The following ADAT1 variants were observed in gnomAD, a reference collection of about 807,000 sequenced individuals.
ADAT1 encodes the protein tRNA-specific adenosine deaminase 1.
A neutral mutation model predicts 58.6 loss-of-function variants in ADAT1; 58 were observed. The ratio of observed to expected loss-of-function variants is 0.99; its 90% CI spans 0.80 to 1.23. The LOEUF (loss-of-function observed/expected upper bound fraction) is 1.23. Among genes scored for constraint, ADAT1 ranks in the 50% most tolerant of loss-of-function variants. The probability of loss-of-function intolerance (pLI) is 0.00; values close to 1 mark genes in which losing one functional copy is unlikely to be tolerated. For synonymous variants in ADAT1, 254 were observed against 220.8 expected (o/e 1.15, Z -1.33); for missense variants, 741 against 608.6 (o/e 1.22, Z -2.29).
intron 2 of ADAT1, 135 bp from the exon 3 acceptor site, chr16:75,620,469 G>A (rs1428236808): frequency 7.9e-6 from 11 of 1,396,982 alleles, no homozygotes; most frequent in African/African-American, 4.2e-5. Context: ...CCAGCATGGC[G>A]GTCTCCCGCC....
At position 75,604,432 on chromosome 16, in the gene ADAT1, CA is replaced by C. The variant is rs869079388; in HGVS notation, c.1290-1262del. Among the ~76,000 whole-genome samples, 40 of 7,924 alleles carry C rather than the reference CA, an allele frequency of 5.0e-3. No individual in the cohort carries two copies. The East Asian group carries it at 0.068, about 14-fold the overall frequency. The allele number at this position is 7,924 out of a possible 152,430, so 5.2% of individuals were successfully genotyped here. Reference sequence around the variant, plus strand: ...TGGGTGACAGAGTGAGATTCTGTCTCAAAAAAAAAAAAAAAAAAAAAAAAAT... The same window carrying C: ...TGGGTGACAGAGTGAGATTCTGTCTCAAAAAAAAAAAAAAAAAAAAAAAAT... On this transcript the variant is annotated intron_variant, in intron 8 of 9. Coordinates refer to ENST00000564657, the MANE Select transcript of ADAT1 (RefSeq NM_001324445.2).
At chr16:75,618,887 G>C (rs546527281) in intron 3 of ADAT1, among the ~76,000 whole-genome samples, 1 of 152,264 alleles carries the variant, frequency 6.6e-6, no homozygotes, top group Admixed American at 6.5e-5. Context: ...ATACACTGTA[G>C]ACTGTTTATT....
chr16:75,605,891 C>A (rs549766976), intron 8 of ADAT1, among the ~76,000 whole-genome samples: 6 of 140,020 alleles, frequency 4.3e-5, no homozygotes, highest in African/African-American at 1.6e-4. Flanking sequence ...GAGCCAAGAT[C>A]GTGCTACTGT....
At chr16:75,619,579 A>G in intron 3 of ADAT1, 1 of 454,598 alleles carries the variant, frequency 2.2e-6, no homozygotes, top group Non-Finnish European at 4.4e-6. Context: ...TCTCTAAGGA[A>G]TTTTCATATT....
intron 9 of ADAT1, among the ~76,000 whole-genome samples, chr16:75,601,615 G>A (rs1038627563): frequency 3.3e-5 from 5 of 152,088 alleles, no homozygotes; most frequent in Non-Finnish European, 1.5e-5. Context: ...AAAATTAGCC[G>A]GGCGTGGTGG....
At chr16:75,609,063 C>T in intron 6 of ADAT1, 75 bp from the exon 7 acceptor site, 2 of 1,550,098 alleles carry the variant, frequency 1.3e-6, no homozygotes, top group South Asian at 1.1e-5. Context: ...TGGCTCACAT[C>T]ATCACCCCTG....
chr16:75,598,293 CT>C lies in ADAT1; in HGVS notation c.*1922del. ...GCTTCACCATGTTGGCCAGGATGGTCTTGATCTCCTGACGTCGTGATCTGCC... is the reference window on the plus strand; with the variant it reads ...GCTTCACCATGTTGGCCAGGATGGTCTGATCTCCTGACGTCGTGATCTGCC... On this transcript the variant is annotated 3_prime_UTR_variant, in exon 10 of 10. Transcript: ENST00000564657. 1 of 322,860 alleles carries C rather than the reference CT, an allele frequency of 3.1e-6. No individual in the cohort carries two copies. Among genetic ancestry groups the C allele is most frequent in the South Asian group, 2.2e-5 (1 of 44,772 alleles). The allele number at this position is 322,860 out of a possible 1,614,324, so 20.0% of individuals were successfully genotyped here.
rs1433844076 is a variant in ADAT1 at position 75,599,213 on chromosome 16, C to G, written c.*1003G>C. ...TCTCCTGCCTCAGCCTCCCGAGTAG[C>G]TAGGATTACAGGTGTGCGCCACCAT... On this transcript the variant is annotated 3_prime_UTR_variant, in exon 10 of 10. Transcript: ENST00000564657. 1 of 857,284 alleles carries G rather than the reference C, an allele frequency of 1.2e-6. No individual in the cohort carries two copies. Among genetic ancestry groups the G allele is most frequent in the Non-Finnish European group, 1.4e-6 (1 of 714,562 alleles). 53.1% of individuals were successfully genotyped at this position (857,284 alleles called of 1,614,324 possible). A position where few individuals can be genotyped will look rare whatever the true frequency, so the allele number is the denominator to read the frequency against.
chr16:75,608,100 G>T (rs1271291722), intron 8 of ADAT1, 124 bp downstream of exon 8: 3 of 737,288 alleles, frequency 4.1e-6, no homozygotes, highest in Non-Finnish European at 2.3e-6. Context: ...GGAGAGGGAG[G>T]GATAGGTAGT....
intron 5 of ADAT1, among the ~76,000 whole-genome samples, chr16:75,613,169 A>G (rs1405201738): frequency 1.3e-5 from 2 of 152,208 alleles, no homozygotes; most frequent in Admixed American, 6.5e-5. Flanking sequence ...TGAAGACTCT[A>G]TCCTGGACCC....
At chr16:75,619,503 C>G in intron 3 of ADAT1, 1 of 417,554 alleles carries the variant, frequency 2.4e-6, no homozygotes, top group Non-Finnish European at 4.7e-6. Flanking sequence ...TACCACCGTA[C>G]TTCAGTGAGA....
At chr16:75,620,044 G>C (rs1030570609) in intron 3 of ADAT1, among the ~76,000 whole-genome samples, 3 of 152,128 alleles carry the variant, frequency 2.0e-5, no homozygotes, top group Admixed American at 1.3e-4. Context: ...GAAAATACTG[G>C]TTAACTTTCA....
Position 75,615,119 on chromosome 16 carries a change from T to C in ADAT1, c.424+2023A>G, listed in dbSNP as rs547380671. Among the ~76,000 whole-genome samples the C allele has an allele frequency of 2.7e-5, 4 of 150,196 alleles. No individual in the cohort carries two copies. In the East Asian group the frequency reaches 5.9e-4, roughly 22 times the overall value. ...GCGCATGCCTATATTCCCACCTACT[T>C]GGGAGGCCAAGGCAGGAGAATCGCC... On this transcript the variant is annotated intron_variant, in intron 5 of 9. Coordinates refer to ENST00000564657, the MANE Select transcript of ADAT1 (RefSeq NM_001324445.2).
chr16:75,618,055 A>T, intron 4 of ADAT1, among the ~76,000 whole-genome samples: 1 of 143,966 alleles, frequency 6.9e-6, no homozygotes, highest in Non-Finnish European at 1.5e-5. Flanking sequence ...CTGAGATCAC[A>T]TCACTGCACT....
rs905486847 is a variant in ADAT1, at chr16:75,605,286, G to A, written c.1290-2115C>T. On this transcript the variant is annotated intron_variant, in intron 8 of 9. Coordinates refer to ENST00000564657, the MANE Select transcript of ADAT1 (RefSeq NM_001324445.2). ...TTGTATTTTTAGTAGAGACGGTTTC[G>A]CCATGTTGGCCACACTGGTCTTGAA... Among the ~76,000 whole-genome samples the A allele has an allele frequency of 6.6e-5, 10 of 151,876 alleles. No homozygotes were observed. The South Asian group carries it at 1.0e-3, about 16-fold the overall frequency.
Position 75,603,093 on chromosome 16 carries a change from G to GT in ADAT1, c.1367dup (p.His456GlnfsTer56). ...TAGGTCAACAGCATCACCTGAGGGA[G>GT]TGTGGCCACTTGTCCCTTGCAATTC... On this transcript the variant is annotated frameshift_variant, in exon 9 of 10. Transcript: ENST00000564657. LOFTEE classifies it high-confidence loss of function. 2.5e-6 allele frequency: 4 copies of GT among 1,613,838 alleles called. No individual in the cohort carries two copies. Among genetic ancestry groups the GT allele is most frequent in the Non-Finnish European group, 3.4e-6 (4 of 1,179,700 alleles).
chr16:75,607,498 T>A (rs1169660711), intron 8 of ADAT1, among the ~76,000 whole-genome samples: 2 of 132,014 alleles, frequency 1.5e-5, no homozygotes, highest in Non-Finnish European at 3.1e-5. Flanking sequence ...CAAGACTCTA[T>A]CTCAAAAAAA....
rs759078386 is a variant in ADAT1, at chr16:75,612,445, C to T, written c.841G>A (p.Val281Met). Residue 281 changes from valine (V) to methionine (M), a missense_variant, in exon 6 of 10, where the codon GTG becomes ATG. Physicochemically the swap from Val to Met is conservative, Grantham distance 21 (BLOSUM62 1). Transcript: ENST00000564657. Reference protein sequence around the residue: ...SGKPGAAFHQVGLLRVKPGRG... With the variant: ...SGKPGAAFHQMGLLRVKPGRG... ...CCTGGCTTCACTCGGAGCAGCCCCA[C>T]CTGGTGAAACGCAGCACCCGGCTTT... The T allele has an allele frequency of 3.1e-6, 5 of 1,614,134 alleles. No individual in the cohort carries two copies. In the African/African-American group the frequency reaches 4.0e-5, roughly 13 times the overall value.
chr16:75,614,495 G>A (rs367777556), intron 5 of ADAT1, among the ~76,000 whole-genome samples: 1 of 152,218 alleles, frequency 6.6e-6, no homozygotes, highest in Non-Finnish European at 1.5e-5. Flanking sequence ...TAATACATCT[G>A]TAATCTTTAT....
Sources: allele counts gnomAD v4.1 joint callset (sites outside exome capture counted in the v4.1 genomes callset), GRCh38; gene constraint gnomAD v4.1.1; transcripts MANE v1.5; gene names NCBI Gene and HGNC (gene_info 2026-07-23, HGNC 2026-07-21).